GPHN: variants seen among roughly 807,000 people sequenced by gnomAD.
The protein encoded by GPHN is gephyrin.
A neutral mutation model predicts 95.5 loss-of-function variants in GPHN; 17 were observed. The observed-to-expected ratio is 0.18, with a 90% CI of 0.12 to 0.27. GPHN has a LOEUF of 0.27. Ranked by LOEUF, GPHN falls within the 10% of genes least tolerant of loss-of-function variation. GPHN has a pLI of 1.00. For missense variants in GPHN, 660 were observed against 978.1 expected (o/e 0.67, Z 4.34); for synonymous variants, 320 against 322.5 (o/e 0.99, Z 0.08).
chr14:66,517,962 C>T (rs912970883), intron 1 of GPHN, among the ~76,000 whole-genome samples: 1 of 151,846 alleles, frequency 6.6e-6, no homozygotes, highest in Non-Finnish European at 1.5e-5. Context: ...AACTAAAAAG[C>T]TTTTATACAG....
intron 1 of GPHN, among the ~76,000 whole-genome samples, chr14:66,605,565 T>C (rs1037142226): frequency 1.4e-5 from 2 of 146,308 alleles, no homozygotes; most frequent in Admixed American, 1.4e-4. Flanking sequence ...AGTCTCACTC[T>C]GTCGCCCAGA....
the GPHN span, chr14:67,592,761 A>C: frequency 8.7e-7 from 1 of 1,145,362 alleles, no homozygotes; most frequent in Non-Finnish European, 1.3e-6. Flanking sequence ...AGTGAAACTC[A>C]TTTTGCATTC....
At chr14:66,780,683 T>A (rs1212476979) in intron 3 of GPHN, among the ~76,000 whole-genome samples, 1 of 152,154 alleles carries the variant, frequency 6.6e-6, no homozygotes, top group Non-Finnish European at 1.5e-5. Context: ...GTTTGAGGCC[T>A]GAGGCATTAA....
At chr14:67,301,428 C>G in the GPHN span, 4 of 1,610,498 alleles carry the variant, frequency 2.5e-6, no homozygotes, top group Non-Finnish European at 3.4e-6. Context: ...TAAGGAAGGA[C>G]AAGAACTAAC....
At chr14:67,693,177 GA>G in the GPHN span, 44 of 585,988 alleles carry the variant, frequency 7.5e-5, no homozygotes, top group Non-Finnish European at 1.2e-4. Context: ...TCCTTTTAAG[GA>G]AACAGTGTCC....
chr14:66,923,332 A>T (rs2066315693), intron 7 of GPHN, among the ~76,000 whole-genome samples: 1 of 151,860 alleles, frequency 6.6e-6, no homozygotes, highest in African/African-American at 2.4e-5. Context: ...ACCTTAGATG[A>T]TTCAAGAAAT....
chr14:66,974,092 A>G (rs763281313), intron 9 of GPHN, among the ~76,000 whole-genome samples: 78 of 152,170 alleles, frequency 5.1e-4, no homozygotes, highest in Non-Finnish European at 8.7e-4. Flanking sequence ...CTCCTCCCTT[A>G]TAACATGTTT....
intron 2 of GPHN, among the ~76,000 whole-genome samples, chr14:66,742,590 A>G (rs2072884761): frequency 6.6e-6 from 1 of 152,154 alleles, no homozygotes; most frequent in Non-Finnish European, 1.5e-5. Context: ...AGCAGCCATG[A>G]TGGTGGCCTA....
intron 1 of GPHN, among the ~76,000 whole-genome samples, chr14:66,536,149 G>A (rs2059134252): frequency 6.6e-6 from 1 of 152,098 alleles, no homozygotes; most frequent in South Asian, 2.1e-4. Flanking sequence ...AGAGGGCCTT[G>A]CTCTGTTGCC....
chr14:66,850,764 C>T (rs979974422), intron 4 of GPHN, among the ~76,000 whole-genome samples: 9 of 152,134 alleles, frequency 5.9e-5, no homozygotes, highest in Non-Finnish European at 8.8e-5. Context: ...ATATCGAGTA[C>T]GCACTAACTG....
At chr14:67,109,539 C>A (rs980421381) in intron 13 of GPHN, among the ~76,000 whole-genome samples, 5 of 152,146 alleles carry the variant, frequency 3.3e-5, no homozygotes, top group African/African-American at 1.2e-4. Flanking sequence ...TAACCTAGGT[C>A]ATTACAGACA....
the GPHN span, chr14:67,473,332 T>C: frequency 6.5e-7 from 1 of 1,535,834 alleles, no homozygotes; most frequent in African/African-American, 1.4e-5. The surrounding 1 kb of genome is among the most constrained non-coding windows in gnomAD (Gnocchi z 6.5). Context: ...GCAGGGCTTT[T>C]GCTGCATGGA....
chr14:66,769,077 A>T (rs2059067903), intron 2 of GPHN, among the ~76,000 whole-genome samples: 1 of 151,988 alleles, frequency 6.6e-6, no homozygotes, highest in African/African-American at 2.4e-5. Context: ...ACTGAAGTGG[A>T]ATAAGGGACG....
chr14:66,973,867 A>C (rs913439559), intron 9 of GPHN, among the ~76,000 whole-genome samples: 2 of 152,228 alleles, frequency 1.3e-5, no homozygotes, highest in African/African-American at 4.8e-5. Flanking sequence ...TAGAACATTT[A>C]AAATGTGGGA....
At chr14:67,175,203 G>C (rs2082861961) in intron 21 of GPHN, among the ~76,000 whole-genome samples, 1 of 152,082 alleles carries the variant, frequency 6.6e-6, no homozygotes, top group South Asian at 2.1e-4. Flanking sequence ...GGGTTTTTCT[G>C]GTTTTAGGTC....
chr14:66,987,669 G>A (rs942326816), intron 9 of GPHN, among the ~76,000 whole-genome samples: 1 of 151,960 alleles, frequency 6.6e-6, no homozygotes, highest in African/African-American at 2.4e-5. Flanking sequence ...ATCTCTAGGG[G>A]ATTTATAAGG....
the GPHN span, among the ~76,000 whole-genome samples, chr14:67,580,529 T>G: frequency 5.2e-5 from 8 of 152,396 alleles, no homozygotes; most frequent in African/African-American, 1.9e-4. Context: ...GGAAAAACTA[T>G]GCCACATACC....
the GPHN span, among the ~76,000 whole-genome samples, chr14:67,662,749 C>T: frequency 6.6e-6 from 1 of 151,822 alleles, no homozygotes; most frequent in Non-Finnish European, 1.5e-5. Flanking sequence ...ACTAACGATA[C>T]AAAAATTAGC....
At chr14:67,577,216 C>T in the GPHN span, 1 of 844,568 alleles carries the variant, frequency 1.2e-6, no homozygotes, top group African/African-American at 1.7e-5. Flanking sequence ...ACTATCTTCC[C>T]CATAAATTAA....
Sources: allele counts gnomAD v4.1 joint callset (sites outside exome capture counted in the v4.1 genomes callset), GRCh38; gene constraint gnomAD v4.1.1; non-coding constraint Gnocchi (gnomAD v3.1); transcripts MANE v1.5; gene names NCBI Gene and HGNC (gene_info 2026-07-23, HGNC 2026-07-21).